SYMPK: variants seen among roughly 807,000 people sequenced by gnomAD.
SYMPK encodes symplekin scaffold protein.
A neutral mutation model predicts 136.4 loss-of-function variants in SYMPK; 49 were observed. That is an observed-to-expected ratio of 0.36 (90% CI 0.29 to 0.46). SYMPK has a LOEUF of 0.46. Ranked by LOEUF, SYMPK falls within the 20% of genes least tolerant of loss-of-function variation. The pLI is 1.00. For missense variants in SYMPK, 1,365 were observed against 1,690.0 expected (o/e 0.81, Z 3.37); for synonymous variants, 766 against 713.0 (o/e 1.07, Z -1.19).
chr19:45,824,733 CTA>C, intron 18 of SYMPK, among the ~76,000 whole-genome samples: 1 of 152,254 alleles, frequency 6.6e-6, no homozygotes, highest in South Asian at 2.1e-4. Flanking sequence ...ACCTGTGCCT[CTA>C]GAGAGAGGGG....
At chr19:45,850,629 G>A (rs967141334) in intron 5 of SYMPK, among the ~76,000 whole-genome samples, 1 of 152,104 alleles carries the variant, frequency 6.6e-6, no homozygotes, top group African/African-American at 2.4e-5. Context: ...CTGACACAGC[G>A]CAGGGCACAG....
intron 5 of SYMPK, among the ~76,000 whole-genome samples, chr19:45,849,763 TG>T (rs1401479810): frequency 5.3e-5 from 8 of 152,130 alleles, no homozygotes; most frequent in Non-Finnish European, 1.0e-4. Flanking sequence ...ATCCCAGCCT[TG>T]GCCAGGCGCA....
intron 16 of SYMPK, among the ~76,000 whole-genome samples, chr19:45,826,855 C>T (rs549019453): frequency 1.4e-4 from 21 of 152,364 alleles, no homozygotes; most frequent in African/African-American, 4.6e-4. Context: ...AATGAAAACG[C>T]TACCCAGCAA....
At chr19:45,832,165 G>A (rs1203373278) in intron 11 of SYMPK, among the ~76,000 whole-genome samples, 1 of 151,766 alleles carries the variant, frequency 6.6e-6, no homozygotes, top group Non-Finnish European at 1.5e-5. Flanking sequence ...TTTTGGAGAC[G>A]GAGTCTCACT....
intron 18 of SYMPK, 121 bp downstream of exon 18, chr19:45,825,050 C>T: frequency 7.6e-7 from 1 of 1,324,190 alleles, no homozygotes; most frequent in Non-Finnish European, 1.0e-6. Flanking sequence ...CTGGGTCGGC[C>T]CGGGGTGACC....
chr19:45,846,173 A>T (rs374534495), intron 7 of SYMPK, among the ~76,000 whole-genome samples: 17 of 152,310 alleles, frequency 1.1e-4, no homozygotes, highest in Middle Eastern at 6.8e-3. Flanking sequence ...GAGGCGGAGC[A>T]TGCAGTGAGC....
rs1970883888 is a variant in SYMPK at position 45,821,240 on chromosome 19, G to A, written c.2893+144C>T. On this transcript the variant is annotated intron_variant, in intron 22 of 26. Coordinates refer to ENST00000245934, the MANE Select transcript of SYMPK (RefSeq NM_004819.3). This position sits in a 1 kb window ranked among gnomAD's most constrained non-coding sequence, Gnocchi z 4.4. ...GGAGGCAAGAAAAGGAGGGAGGGAG[G>A]GAGGTGGCTCTCCAGAGCTCTGAGG... 1 of 716,416 alleles carries A rather than the reference G, an allele frequency of 1.4e-6. No homozygotes were observed. Among genetic ancestry groups the A allele is most frequent in the Non-Finnish European group, 2.5e-6 (1 of 395,236 alleles). The allele number at this position is 716,416 out of a possible 1,614,324, so 44.4% of individuals were successfully genotyped here.
intron 9 of SYMPK, among the ~76,000 whole-genome samples, chr19:45,839,492 A>G (rs896249143): frequency 1.3e-5 from 2 of 152,178 alleles, no homozygotes; most frequent in Admixed American, 6.5e-5. Flanking sequence ...GTAGAAGGAA[A>G]ATCTCTTTGG....
At chr19:45,848,371 C>T (rs931948569) in intron 6 of SYMPK, among the ~76,000 whole-genome samples, 4 of 152,234 alleles carry the variant, frequency 2.6e-5, no homozygotes, top group Non-Finnish European at 4.4e-5. Context: ...TTTCCTATCA[C>T]ACTCCATAAT....
chr19:45,852,918 C>T (rs1407616417), intron 3 of SYMPK, among the ~76,000 whole-genome samples: 1 of 152,206 alleles, frequency 6.6e-6, no homozygotes, highest in African/African-American at 2.4e-5. Context: ...CAGTTCTCCC[C>T]ACTCTCCTTC....
chr19:45,835,269 A>G, intron 10 of SYMPK, 41 bp from the exon 11 acceptor site: 1 of 1,521,654 alleles, frequency 6.6e-7, no homozygotes, highest in Non-Finnish European at 8.8e-7. Flanking sequence ...TTAATCATTA[A>G]CTCAAGAAGC....
At chr19:45,827,740 C>T in intron 15 of SYMPK, 97 bp downstream of exon 15, 4 of 1,512,698 alleles carry the variant, frequency 2.6e-6, no homozygotes, top group South Asian at 1.1e-5. Flanking sequence ...CCTCACAAAA[C>T]CCCCGGCCAC....
At chr19:45,846,115 G>T (rs1182997143) in intron 7 of SYMPK, among the ~76,000 whole-genome samples, 1 of 152,220 alleles carries the variant, frequency 6.6e-6, no homozygotes, top group South Asian at 2.1e-4. Flanking sequence ...GGGCACCTGT[G>T]GTCCCAGCTA....
rs776497654 is a variant in SYMPK at position 45,831,425 on chromosome 19, G to C, written c.1557C>G (p.Ala519=). 1.2e-6 allele frequency: 2 copies of C among 1,600,664 alleles called. No homozygotes were observed. Among genetic ancestry groups the C allele is most frequent in the Non-Finnish European group, 1.7e-6 (2 of 1,173,558 alleles). The change falls in exon 12 of 27, where the codon GCC becomes GCG. Residue 519 remains alanine (A), a synonymous_variant. Coordinates refer to ENST00000245934, the MANE Select transcript of SYMPK (RefSeq NM_004819.3). ...MSPLEEEAPQ[A]KRRPEPIIPV... ...GGATAATGGGCTCTGGCCTCCTCTT[G>C]GCCTGCGGTGCCTCTTCCTCCAGGG...
At chr19:45,833,742 A>G (rs1275397772) in intron 11 of SYMPK, among the ~76,000 whole-genome samples, 1 of 152,254 alleles carries the variant, frequency 6.6e-6, no homozygotes, top group Non-Finnish European at 1.5e-5. Flanking sequence ...TACAGTGGCA[A>G]TGGTCTATAA....
chr19:45,822,738 T>A lies in SYMPK; in HGVS notation c.2791+18A>T, dbSNP rs202069227. 2.1e-4 allele frequency: 335 copies of A among 1,610,354 alleles called. 3 individuals are homozygous for A. The East Asian group carries it at 6.6e-3, about 32-fold the overall frequency. On this transcript the variant is annotated intron_variant, in intron 21 of 26. Transcript: ENST00000245934. ...GGGTGGGTGGGCCTCTTGGTGGGGA[T>A]GAGGCTGCATCACCTACCATGCTGG...
intron 13 of SYMPK, 68 bp from the exon 14 acceptor site, chr19:45,829,273 G>T: frequency 1.5e-6 from 2 of 1,373,094 alleles, no homozygotes; most frequent in Non-Finnish European, 2.0e-6. Flanking sequence ...ATCGTGCCCT[G>T]CGACTTCTCC....
intron 19 of SYMPK, 69 bp downstream of exon 19, chr19:45,823,698 A>C (rs1600495385): frequency 7.2e-7 from 1 of 1,384,976 alleles, no homozygotes; most frequent in African/African-American, 1.4e-5. Context: ...AGCAGCTCAG[A>C]TCCCCAGGGC....
At chr19:45,836,523 C>G (rs993438329) in intron 10 of SYMPK, among the ~76,000 whole-genome samples, 2 of 150,834 alleles carry the variant, frequency 1.3e-5, no homozygotes, top group Non-Finnish European at 3.0e-5. Context: ...CCCAGCTACT[C>G]GGGAGGCTGA....
Sources: allele counts gnomAD v4.1 joint callset (sites outside exome capture counted in the v4.1 genomes callset), GRCh38; gene constraint gnomAD v4.1.1; non-coding constraint Gnocchi (gnomAD v3.1); transcripts MANE v1.5; gene names NCBI Gene and HGNC (gene_info 2026-07-23, HGNC 2026-07-21).